Variants in TADA2A observed in about 807,000 individuals in gnomAD.
The protein encoded by TADA2A is transcriptional adaptor 2A.
TADA2A carries 38 observed loss-of-function variants against 67.4 expected under a neutral mutation model. That is an observed-to-expected ratio of 0.56 (90% CI 0.44 to 0.74). The LOEUF is 0.74. Ranked by LOEUF, TADA2A falls within the 30% of genes least tolerant of loss-of-function variation. TADA2A has a pLI of 0.00. For synonymous variants in TADA2A, 192 were observed against 181.6 expected (o/e 1.06, Z -0.46); for missense variants, 454 against 547.0 (o/e 0.83, Z 1.70).
At chr17:37,436,095 A>G (rs2052716888) in intron 4 of TADA2A, among the ~76,000 whole-genome samples, 2 of 151,974 alleles carry the variant, frequency 1.3e-5, no homozygotes, top group South Asian at 2.1e-4. Context: ...TATACTTCCC[A>G]ATGACACTAA....
chr17:37,442,463 A>G, intron 6 of TADA2A, 101 bp from the exon 7 acceptor site: 2 of 925,628 alleles, frequency 2.2e-6, no homozygotes, highest in Non-Finnish European at 3.1e-6. Flanking sequence ...ATTTCCTTTT[A>G]TAAAAACCAT....
intron 8 of TADA2A, among the ~76,000 whole-genome samples, chr17:37,447,162 T>C (rs2053105675): frequency 6.6e-6 from 1 of 152,198 alleles, no homozygotes; most frequent in African/African-American, 2.4e-5. Context: ...ATGAGTGCTT[T>C]TATTTTTTAT....
intron 10 of TADA2A, among the ~76,000 whole-genome samples, chr17:37,462,616 A>G (rs761545018): frequency 4.0e-5 from 6 of 151,840 alleles, no homozygotes; most frequent in Admixed American, 2.0e-4. Context: ...TGGGCGATAG[A>G]GCAAGACTTA....
In TADA2A at chr17:37,437,720, A is replaced by G; in HGVS notation, c.193-18A>G. ...CCATTTGTATCTCTGTTCTTAAGCA[A>G]AACTTTTTTCTCCTTAGACTTCAGA... On this transcript the variant is annotated intron_variant, in intron 4 of 15. Transcript: ENST00000615182. 1.2e-6 allele frequency: 2 copies of G among 1,612,976 alleles called. No homozygotes were observed. Among genetic ancestry groups the G allele is most frequent in the Non-Finnish European group, 1.7e-6 (2 of 1,179,038 alleles).
At chr17:37,464,780 A>C (rs1226714926) in intron 10 of TADA2A, among the ~76,000 whole-genome samples, 1 of 145,242 alleles carries the variant, frequency 6.9e-6, no homozygotes, top group Admixed American at 7.1e-5. Flanking sequence ...CAGAGGTTAC[A>C]GTGAGCTGAG....
intron 1 of TADA2A, chr17:37,407,507 C>G (rs547248121): frequency 2.6e-5 from 4 of 152,280 alleles, no homozygotes; most frequent in East Asian, 3.9e-4. Flanking sequence ...GTAACTGATT[C>G]GAATTTGGCG....
intron 2 of TADA2A, among the ~76,000 whole-genome samples, chr17:37,414,719 A>G (rs1303141691): frequency 2.0e-5 from 3 of 152,078 alleles, no homozygotes; most frequent in African/African-American, 7.2e-5. Flanking sequence ...TTCCTCATTC[A>G]CATGTCTCTA....
chr17:37,439,922 A>ATTTTT (rs778174627), intron 5 of TADA2A, among the ~76,000 whole-genome samples: 1 of 97,864 alleles, frequency 1.0e-5, no homozygotes, highest in African/African-American at 4.6e-5. Context: ...TTATTTATTT[A>ATTTTT]TTTATTTATT....
intron 8 of TADA2A, among the ~76,000 whole-genome samples, chr17:37,449,492 G>A (rs2053173736): frequency 6.6e-6 from 1 of 152,102 alleles, no homozygotes; most frequent in South Asian, 2.1e-4. Flanking sequence ...CATTTTTGTG[G>A]ATGAGGACAT....
chr17:37,466,650 GC>G (rs2053670459), intron 11 of TADA2A, among the ~76,000 whole-genome samples: 1 of 152,140 alleles, frequency 6.6e-6, no homozygotes, highest in African/African-American at 2.4e-5. Context: ...TGTTTGGTTA[GC>G]ATTCTTTGTG....
intron 9 of TADA2A, among the ~76,000 whole-genome samples, chr17:37,460,857 T>C (rs1347818525): frequency 2.6e-5 from 4 of 151,956 alleles, no homozygotes; most frequent in Non-Finnish European, 4.4e-5. Flanking sequence ...AAGCCAGGTG[T>C]GGTAGCATGA....
intron 8 of TADA2A, among the ~76,000 whole-genome samples, chr17:37,445,155 C>T (rs982999165): frequency 6.6e-6 from 1 of 152,132 alleles, no homozygotes; most frequent in Non-Finnish European, 1.5e-5. Flanking sequence ...TTTTGTTACC[C>T]GGAATTTCCC....
chr17:37,424,998 A>C (rs1241700034), intron 3 of TADA2A, among the ~76,000 whole-genome samples: 1 of 151,616 alleles, frequency 6.6e-6, no homozygotes, highest in East Asian at 1.9e-4. Flanking sequence ...TCCTGCTTCA[A>C]CCTCCCGAGT....
intron 4 of TADA2A, among the ~76,000 whole-genome samples, chr17:37,435,683 G>C (rs528265389): frequency 2.6e-4 from 39 of 152,200 alleles, no homozygotes; most frequent in Admixed American, 2.0e-3. Context: ...GGGTTCAAGC[G>C]ATCCTCCTGC....
At chr17:37,462,010 T>C (rs2053557079) in intron 9 of TADA2A, 68 bp from the exon 10 acceptor site, 2 of 1,194,926 alleles carry the variant, frequency 1.7e-6, no homozygotes, top group African/African-American at 1.5e-5. Context: ...ATGATAGCTA[T>C]ATGTGTAAAG....
At position 37,458,541 on chromosome 17, in the gene TADA2A, G is replaced by GTAGA; in HGVS notation, c.625_628dup (p.Ile210ArgfsTer26). 6.2e-7 allele frequency: 1 copy of GTAGA among 1,612,084 alleles called. No homozygotes were observed. Among genetic ancestry groups the GTAGA allele is most frequent in the Non-Finnish European group, 8.5e-7 (1 of 1,179,098 alleles). On this transcript the variant is annotated frameshift_variant, in exon 9 of 16. Coordinates refer to ENST00000615182, the MANE Select transcript of TADA2A (RefSeq NM_001166105.3). LOFTEE classifies it high-confidence loss of function. ...ATTTGTAGCTCTGAAGATGGCTGTG[G>GTAGA]TAGATATCTATCATTCCAGGTTAAA...
At chr17:37,425,159 C>T (rs770182233) in intron 3 of TADA2A, among the ~76,000 whole-genome samples, 5 of 152,148 alleles carry the variant, frequency 3.3e-5, no homozygotes, top group Admixed American at 1.3e-4. Context: ...GGATTACAGG[C>T]GTGAGCTACC....
chr17:37,456,263 A>G (rs1018131240), intron 8 of TADA2A, among the ~76,000 whole-genome samples: 5 of 152,226 alleles, frequency 3.3e-5, no homozygotes, highest in African/African-American at 1.2e-4. Context: ...TGTAACATGC[A>G]AGAGTTTGAA....
intron 4 of TADA2A, among the ~76,000 whole-genome samples, chr17:37,433,782 A>G (rs950641100): frequency 2.0e-5 from 3 of 152,034 alleles, no homozygotes; most frequent in East Asian, 1.9e-4. Flanking sequence ...GTGAAACCCT[A>G]TCTCTACTAA....
Sources: allele counts gnomAD v4.1 joint callset (sites outside exome capture counted in the v4.1 genomes callset), GRCh38; gene constraint gnomAD v4.1.1; transcripts MANE v1.5; gene names NCBI Gene and HGNC (gene_info 2026-07-23, HGNC 2026-07-21).